Variants in ABHD16A observed in about 807,000 individuals in gnomAD.
The protein encoded by ABHD16A is abhydrolase domain containing 16A, phospholipase, also known as phosphatidylserine lipase ABHD16A.
ABHD16A carries 47 observed loss-of-function variants against 89.8 expected under a neutral mutation model. The ratio of observed to expected loss-of-function variants is 0.52; its 90% CI spans 0.41 to 0.67. The LOEUF is 0.67. Among genes scored for constraint, ABHD16A ranks in the 30% least tolerant of loss-of-function variants. ABHD16A has a pLI of 0.00. For synonymous variants in ABHD16A, 251 were observed against 280.4 expected, an observed-to-expected ratio of 0.90 and a Z score of 1.05; for missense variants, 580 against 734.6, an observed-to-expected ratio of 0.79 and a Z score of 2.43.
chr6:31,691,137 G>A (rs878862417), intron 9 of ABHD16A, among the ~76,000 whole-genome samples: 3 of 152,130 alleles, frequency 2.0e-5, no homozygotes, highest in Admixed American at 2.0e-4. Flanking sequence ...CTGCTTCATG[G>A]AGGTAGGAGA....
At position 31,703,265 on chromosome 6, in the gene ABHD16A, C is replaced by G; in HGVS notation, c.17G>C (p.Ser6Thr). 1 of 1,366,822 alleles carries G rather than the reference C, an allele frequency of 7.3e-7. No individual in the cohort carries two copies. The allele number at this position is 1,366,822 out of a possible 1,614,324, so 84.7% of individuals were successfully genotyped here. A position where few individuals can be genotyped will look rare whatever the true frequency, so the allele number is the denominator to read the frequency against. MAKLL[S>T]CVLGPRLYKI... is the part of the protein sequence containing the mutation. ...GTAGAGCCGGGGGCCTAGGACGCAGCTCAGCAGCTTCGCCATGGCCCCGGC... is the reference window on the plus strand; with the variant it reads ...GTAGAGCCGGGGGCCTAGGACGCAGGTCAGCAGCTTCGCCATGGCCCCGGC... The change falls in exon 1 of 20, where the codon AGC becomes ACC. Residue 6 changes from serine to threonine, a missense_variant. Physicochemically the swap from Ser to Thr is moderately conservative, Grantham distance 58 (BLOSUM62 1). This residue lies in a region of ABHD16A where 165 missense variants were observed against 165.8 expected (regional missense o/e 1.00). Transcript: ENST00000395952.
intron 12 of ABHD16A, 76 bp downstream of exon 12, chr6:31,689,505 A>C: frequency 6.9e-7 from 1 of 1,450,264 alleles, no homozygotes; most frequent in Non-Finnish European, 9.1e-7. Context: ...ACCCCACCCC[A>C]TTTCCCCACC....
chr6:31,701,448 CAT>C (rs1413543431), intron 2 of ABHD16A, 108 bp from the exon 3 acceptor site: 5 of 897,606 alleles, frequency 5.6e-6, no homozygotes, highest in Non-Finnish European at 8.9e-6. Context: ...TGAGGGATAT[CAT>C]ATCATATTTG....
chr6:31,702,994 C>T, intron 1 of ABHD16A, 156 bp downstream of exon 1: 1 of 1,344,946 alleles, frequency 7.4e-7, no homozygotes, highest in Middle Eastern at 2.9e-4. Context: ...GTAGGCGTGA[C>T]TTTAACTCAG....
At position 31,687,341 on chromosome 6, in the gene ABHD16A, A is replaced by G. The variant is rs771300652; in HGVS notation, c.1594-46T>C. The G allele has an allele frequency of 1.2e-5, 20 of 1,604,204 alleles. No individual in the cohort carries two copies. The highest frequency in any genetic ancestry group is 1.7e-5 in the Non-Finnish European group (20 of 1,172,826). ...AGGTGGGGTACAGAGCACTGTTGGG[A>G]GGGGCAGCCACTGGACTCCCTCCCC... On this transcript the variant is annotated intron_variant, in intron 19 of 19. Transcript: ENST00000395952. This position sits in a 1 kb window ranked among gnomAD's most constrained non-coding sequence, Gnocchi z 6.3.
At chr6:31,696,862 G>C in intron 5 of ABHD16A, 86 bp downstream of exon 5, 10 of 1,329,086 alleles carry the variant, frequency 7.5e-6, no homozygotes, top group Non-Finnish European at 1.1e-5. Flanking sequence ...TCCTCTTCCT[G>C]CAGAAGCCAG....
At position 31,688,503 on chromosome 6, in the gene ABHD16A, G is replaced by C. The variant is rs991978477; in HGVS notation, c.1251-198C>G. 5 of 774,538 alleles carry C rather than the reference G, an allele frequency of 6.5e-6. No homozygotes were observed. Among genetic ancestry groups the C allele is most frequent in the East Asian group, 5.4e-5 (2 of 37,306 alleles). The allele number at this position is 774,538 out of a possible 1,614,324, so 48.0% of individuals were successfully genotyped here. On this transcript the variant is annotated intron_variant, in intron 14 of 19. Transcript: ENST00000395952. The surrounding 1 kb of genome is among the most constrained non-coding windows in gnomAD (Gnocchi z 4.9). The stretch of plus-strand genomic sequence containing the variant: ...CTGGCCCTGCTGGGAGACCCCTGCC[G>C]TGCCAGGCCTTAACCCTTTGGTTGC...
intron 4 of ABHD16A, among the ~76,000 whole-genome samples, chr6:31,697,309 C>T (rs1804494027): frequency 6.6e-6 from 1 of 152,184 alleles, no homozygotes; most frequent in African/African-American, 2.4e-5. Context: ...GTTCCTCTTC[C>T]TCAGTCTTTA....
In ABHD16A at chr6:31,688,705, A is replaced by G. The variant is rs2151222755; in HGVS notation, c.1250+18T>C. 1 of 1,612,650 alleles carries G rather than the reference A, an allele frequency of 6.2e-7. No homozygotes were observed. The highest frequency in any genetic ancestry group is 2.2e-5 in the East Asian group (1 of 44,886). On this transcript the variant is annotated intron_variant, in intron 14 of 19. Transcript: ENST00000395952. This position sits in a 1 kb window ranked among gnomAD's most constrained non-coding sequence, Gnocchi z 4.9. ...ATGGGGGGCAGGTGTTCAATGCCGG[A>G]CGCTGGCCGGCCCTCACCTGCACAG...
intron 4 of ABHD16A, among the ~76,000 whole-genome samples, chr6:31,697,838 C>CT (rs1804545820): frequency 6.6e-6 from 1 of 152,216 alleles, no homozygotes; most frequent in African/African-American, 2.4e-5. Flanking sequence ...CCGTACTACA[C>CT]ACGGGAGACT....
intron 1 of ABHD16A, 130 bp downstream of exon 1, chr6:31,703,020 C>T (rs1193076842): frequency 7.4e-7 from 1 of 1,357,776 alleles, no homozygotes; most frequent in Non-Finnish European, 9.5e-7. Flanking sequence ...ACACAGAGCG[C>T]AGATTTTGCG....
In ABHD16A at chr6:31,693,867, T is replaced by C. The variant is rs941741820; in HGVS notation, c.430-435A>G. ...GCAGATCACACTGACAGACCCAAGG[T>C]TGAGTGAGACAGAGAGGAGGGAAGT... is the stretch of plus-strand genomic sequence containing the variant. On this transcript the variant is annotated intron_variant, in intron 5 of 19. Transcript: ENST00000395952. This position sits in a 1 kb window ranked among gnomAD's most constrained non-coding sequence, Gnocchi z 5.0. Among the ~76,000 whole-genome samples, 10 of 152,068 alleles carry C rather than the reference T, an allele frequency of 6.6e-5. No individual in the cohort carries two copies. Among genetic ancestry groups the C allele is most frequent in the Admixed American group, 5.9e-4 (9 of 15,264 alleles).
At chr6:31,699,265 C>T (rs1293633520) in intron 4 of ABHD16A, among the ~76,000 whole-genome samples, 2 of 151,838 alleles carry the variant, frequency 1.3e-5, no homozygotes, top group Admixed American at 6.6e-5. Flanking sequence ...AAAACCTAGC[C>T]GGGTGTGGTG....
chr6:31,689,070 A>G lies in ABHD16A; in HGVS notation c.1131T>C (p.Asp377=), dbSNP rs1334452968. 1.9e-6 allele frequency: 3 copies of G among 1,613,958 alleles called. No homozygotes were observed. Among genetic ancestry groups the G allele is most frequent in the Non-Finnish European group, 2.5e-6 (3 of 1,179,994 alleles). The change falls in exon 13 of 20, where the codon GAT becomes GAC. Residue 377 remains aspartate (D), a synonymous_variant. Coordinates refer to ENST00000395952, the MANE Select transcript of ABHD16A (RefSeq NM_021160.3). ...AGGGCACCAGGTCATCAAAGGAGGC[A>G]TCCAGGATCATGGCACTAACATCTG... ...SYPDVSAMIL[D]ASFDDLVPLA...
At chr6:31,692,761 CACTGCT>C in intron 7 of ABHD16A, 2 of 313,340 alleles carry the variant, frequency 6.4e-6, no homozygotes, top group Non-Finnish European at 1.2e-5. Context: ...ACCCCACCCC[CACTGCT>C]CCTTTTCAGC....
chr6:31,701,989 G>C, intron 2 of ABHD16A, 85 bp downstream of exon 2: 2 of 1,508,896 alleles, frequency 1.3e-6, no homozygotes, highest in Non-Finnish European at 9.2e-7. Context: ...CCAGGGCACT[G>C]TTGCTCCCAA....
chr6:31,690,749 A>C lies in ABHD16A; in HGVS notation c.844-147T>G. ...TCTCCAAGGGGAATGGAAGCTTCTC[A>C]TTCCACAGGGTCCATAAGAGGAGAA... On this transcript the variant is annotated intron_variant, in intron 9 of 19. Coordinates refer to ENST00000395952, the MANE Select transcript of ABHD16A (RefSeq NM_021160.3). The surrounding 1 kb of genome is among the most constrained non-coding windows in gnomAD (Gnocchi z 4.1). The C allele has an allele frequency of 1.4e-6, 1 of 709,250 alleles. No homozygotes were observed. The highest frequency in any genetic ancestry group is 2.5e-6 in the Non-Finnish European group (1 of 407,394). The allele number at this position is 709,250 out of a possible 1,614,324, so 43.9% of individuals were successfully genotyped here.
intron 1 of ABHD16A, 131 bp downstream of exon 1, chr6:31,703,019 G>A: frequency 7.4e-7 from 1 of 1,355,222 alleles, no homozygotes; most frequent in Non-Finnish European, 9.5e-7. Flanking sequence ...CACACAGAGC[G>A]CAGATTTTGC....
In ABHD16A at chr6:31,687,756, G is replaced by A; in HGVS notation, c.1448-16C>T. 6.2e-7 allele frequency: 1 copy of A among 1,612,810 alleles called. No homozygotes were observed. Among genetic ancestry groups the A allele is most frequent in the South Asian group, 1.1e-5 (1 of 91,074 alleles). On this transcript the variant is annotated splice_polypyrimidine_tract_variant and intron_variant, in intron 17 of 19. Transcript: ENST00000395952. This position sits in a 1 kb window ranked among gnomAD's most constrained non-coding sequence, Gnocchi z 6.3. ...TAAATTGAGGCTGGTCAGGGAGAGA[G>A]ATGACAGCCAGTCAGCAACCTGACC...
Sources: allele counts gnomAD v4.1 joint callset (sites outside exome capture counted in the v4.1 genomes callset), GRCh38; gene constraint gnomAD v4.1.1; regional missense constraint gnomAD v4.1.1; non-coding constraint Gnocchi (gnomAD v3.1); transcripts MANE v1.5; gene names NCBI Gene and HGNC (gene_info 2026-07-23, HGNC 2026-07-21).